Variants in SAMD4A observed in about 807,000 individuals in gnomAD.
SAMD4A encodes the protein protein Smaug homolog 1.
SAMD4A carries 33 observed loss-of-function variants against 81.3 expected under a neutral mutation model. That is an observed-to-expected ratio of 0.41 (90% CI 0.31 to 0.54). The LOEUF is 0.54. SAMD4A is among the 20% of genes least tolerant of loss of function. The probability of loss-of-function intolerance (pLI) is 0.37; values close to 1 mark genes in which losing one functional copy is unlikely to be tolerated. For missense variants in SAMD4A, 854 were observed against 951.1 expected (o/e 0.90, Z 1.34); for synonymous variants, 389 against 382.1 (o/e 1.02, Z -0.21).
At chr14:54,686,621 A>G (rs1196050359) in intron 2 of SAMD4A, among the ~76,000 whole-genome samples, 1 of 152,000 alleles carries the variant, frequency 6.6e-6, no homozygotes, top group Non-Finnish European at 1.5e-5. Flanking sequence ...TGGCAACTCA[A>G]AAGGAGAGTA....
At chr14:54,703,309 C>A (rs910183393) in intron 3 of SAMD4A, 3 of 152,262 alleles carry the variant, frequency 2.0e-5, no homozygotes, top group African/African-American at 7.2e-5. Context: ...AAGTATTGCA[C>A]CCTCAGCTGG....
chr14:54,625,383 C>T (rs1183411650), intron 2 of SAMD4A, among the ~76,000 whole-genome samples: 1 of 152,180 alleles, frequency 6.6e-6, no homozygotes, highest in African/African-American at 2.4e-5. Flanking sequence ...CTTCCCTGCA[C>T]CAGGGTGTGA....
intron 2 of SAMD4A, among the ~76,000 whole-genome samples, chr14:54,660,799 C>T (rs1031184369): frequency 3.9e-5 from 6 of 152,248 alleles, no homozygotes; most frequent in African/African-American, 1.4e-4. Context: ...TTTCCACCAA[C>T]AACTTTGGAT....
intron 5 of SAMD4A, among the ~76,000 whole-genome samples, chr14:54,749,679 C>T (rs1293927591): frequency 1.3e-5 from 2 of 152,300 alleles, no homozygotes; most frequent in East Asian, 3.9e-4. Flanking sequence ...AAGCATGTTT[C>T]CTACCACGCT....
At chr14:54,786,865 T>A (rs552009822) in intron 12 of SAMD4A, among the ~76,000 whole-genome samples, 1 of 152,362 alleles carries the variant, frequency 6.6e-6, no homozygotes, top group African/African-American at 2.4e-5. Flanking sequence ...TTGCTAATGT[T>A]TTCATCTTGT....
At chr14:54,595,297 A>G (rs185886617) in intron 2 of SAMD4A, among the ~76,000 whole-genome samples, 28 of 152,184 alleles carry the variant, frequency 1.8e-4, no homozygotes, top group Non-Finnish European at 4.0e-4. Flanking sequence ...TTACTATCTT[A>G]TAAGTATACA....
intron 12 of SAMD4A, among the ~76,000 whole-genome samples, chr14:54,786,317 G>GT (rs1455418770): frequency 6.6e-6 from 1 of 152,158 alleles, no homozygotes; most frequent in East Asian, 1.9e-4. Context: ...AAGTAGATGA[G>GT]TGGTTGCCAG....
At chr14:54,689,157 C>G (rs561584724) in intron 2 of SAMD4A, among the ~76,000 whole-genome samples, 66 of 152,208 alleles carry the variant, frequency 4.3e-4, no homozygotes, top group Non-Finnish European at 7.5e-4. Context: ...GTCTCAAACT[C>G]CTGACCTACA....
chr14:54,758,251 C>T (rs1274867725), intron 6 of SAMD4A, among the ~76,000 whole-genome samples: 1 of 152,142 alleles, frequency 6.6e-6, no homozygotes, highest in Non-Finnish European at 1.5e-5. Context: ...CTCCACTTCC[C>T]ACCCCTCCCC....
intron 2 of SAMD4A, among the ~76,000 whole-genome samples, chr14:54,580,546 A>T (rs895462113): frequency 6.6e-6 from 1 of 152,162 alleles, no homozygotes; most frequent in African/African-American, 2.4e-5. Flanking sequence ...GGTGTCCTTC[A>T]TGACTGCCCA....
chr14:54,647,912 A>G (rs2035319530), intron 2 of SAMD4A, among the ~76,000 whole-genome samples: 1 of 152,246 alleles, frequency 6.6e-6, no homozygotes, highest in South Asian at 2.1e-4. Flanking sequence ...GTTGGGTTGT[A>G]TAAAATGTTG....
intron 9 of SAMD4A, among the ~76,000 whole-genome samples, chr14:54,772,728 A>G (rs1336094730): frequency 6.6e-6 from 1 of 152,232 alleles, no homozygotes; most frequent in Non-Finnish European, 1.5e-5. Flanking sequence ...ACGCTAAATA[A>G]GGAAAAATCA....
intron 2 of SAMD4A, among the ~76,000 whole-genome samples, chr14:54,700,211 A>G (rs2036678299): frequency 6.6e-6 from 1 of 152,126 alleles, no homozygotes; most frequent in Non-Finnish European, 1.5e-5. Flanking sequence ...CCCTTTTGCT[A>G]CTTTACGTTA....
chr14:54,725,754 C>T (rs934902442), intron 3 of SAMD4A, among the ~76,000 whole-genome samples: 1 of 152,192 alleles, frequency 6.6e-6, no homozygotes, highest in African/African-American at 2.4e-5. Flanking sequence ...CCAATAATCA[C>T]ATAACGTAGC....
intron 2 of SAMD4A, among the ~76,000 whole-genome samples, chr14:54,657,117 TATG>T (rs945029555): frequency 3.5e-4 from 54 of 152,308 alleles, no homozygotes; most frequent in Admixed American, 3.2e-3. Flanking sequence ...ACACCTGTAA[TATG>T]ATCATTTTTC....
At chr14:54,671,367 A>C (rs1594792016) in intron 2 of SAMD4A, among the ~76,000 whole-genome samples, 1 of 152,178 alleles carries the variant, frequency 6.6e-6, no homozygotes, top group African/African-American at 2.4e-5. Context: ...TCATCTTTGA[A>C]ATCTGGATAA....
intron 2 of SAMD4A, among the ~76,000 whole-genome samples, chr14:54,634,285 CG>C (rs374282158): frequency 2.9e-5 from 1 of 34,564 alleles, no homozygotes; most frequent in African/African-American, 1.4e-4. Context: ...GACTCCATCT[CG>C]GGGGGGTGGG....
At chr14:54,649,804 A>G (rs1184112750) in intron 2 of SAMD4A, among the ~76,000 whole-genome samples, 1 of 152,164 alleles carries the variant, frequency 6.6e-6, no homozygotes, top group African/African-American at 2.4e-5. Flanking sequence ...AATTTTTCTC[A>G]TTTGCCTGTA....
chr14:54,590,424 G>A (rs1433165341), intron 2 of SAMD4A, among the ~76,000 whole-genome samples: 5 of 152,182 alleles, frequency 3.3e-5, no homozygotes, highest in Admixed American at 6.5e-5. Flanking sequence ...CCAGGAGGTC[G>A]AGGCTGCAGT....
Sources: allele counts gnomAD v4.1 joint callset (sites outside exome capture counted in the v4.1 genomes callset), GRCh38; gene constraint gnomAD v4.1.1; transcripts MANE v1.5; gene names NCBI Gene and HGNC (gene_info 2026-07-23, HGNC 2026-07-21).